ZNF469: variants seen among roughly 807,000 people sequenced by gnomAD.
The protein encoded by ZNF469 is zinc finger protein 469.
ZNF469 carries 1 observed loss-of-function variant against 1.0 expected under a neutral mutation model. The observed-to-expected ratio is 1.00, with a 90% CI of 0.35 to 4.73. ZNF469 has a LOEUF of 4.73. Among genes scored for constraint, ZNF469 ranks in the 30% most tolerant of loss-of-function variants. The pLI is 0.16. For missense variants in ZNF469, 6,100 were observed against 5,356.3 expected (o/e 1.14, Z -4.33); for synonymous variants, 2,703 against 2,363.4 (o/e 1.14, Z -4.17).
chr16:88,368,947 C>T, the ZNF469 span, among the ~76,000 whole-genome samples: 6 of 152,108 alleles, frequency 3.9e-5, no homozygotes, highest in African/African-American at 1.2e-4. Context: ...TGTGTGCTGG[C>T]GGTCACCTGT....
chr16:88,296,032 C>T, the ZNF469 span, among the ~76,000 whole-genome samples: 7 of 152,214 alleles, frequency 4.6e-5, no homozygotes, highest in African/African-American at 9.6e-5. Context: ...CTCGGGCTCT[C>T]GGCTCTGCAG....
rs1377375919 is a variant in ZNF469 at position 88,430,625 on chromosome 16, T to C, written c.3155T>C (p.Leu1052Pro). The C allele has an allele frequency of 6.7e-7, 1 of 1,499,732 alleles. No individual in the cohort carries two copies. Among genetic ancestry groups the C allele is most frequent in the East Asian group, 2.7e-5 (1 of 36,992 alleles). 92.9% of individuals were successfully genotyped at this position (1,499,732 alleles called of 1,614,324 possible). A position where few individuals can be genotyped will look rare whatever the true frequency, so the allele number is the denominator to read the frequency against. ...GGCGCCTGGGGCAAGGAGCTCATTC[T>C]GAAGATCGTGCAGCAGAAGAACAGG... ...RGGAWGKELILKIVQQKNRRH... is the reference protein window; with the variant it reads ...RGGAWGKELIPKIVQQKNRRH... The change falls in exon 3 of 3, where the codon CTG becomes CCG. Residue 1052 changes from leucine to proline, a missense_variant. Physicochemically the swap from Leu to Pro is moderately conservative, Grantham distance 98. Coordinates refer to ENST00000565624, the MANE Select transcript of ZNF469 (RefSeq NM_001367624.2).
chr16:88,430,549 C>G lies in ZNF469; in HGVS notation c.3079C>G (p.Arg1027Gly), dbSNP rs1057524853. 1.4e-6 allele frequency: 2 copies of G among 1,470,142 alleles called. No homozygotes were observed. The highest frequency in any genetic ancestry group is 4.8e-5 in the Admixed American group (2 of 41,610). The allele number at this position is 1,470,142 out of a possible 1,614,324, so 91.1% of individuals were successfully genotyped here. A position where few individuals can be genotyped will look rare whatever the true frequency, so the allele number is the denominator to read the frequency against. ...CCCCGAGGAGACCCGCAGCTCCCGG[C>G]GCCGCCGGCTGCCCCCCAGGAAGGA... ...ALPEETRSSRRRRLPPRKDPR... is the reference protein window; with the variant it reads ...ALPEETRSSRGRRLPPRKDPR... The change falls in exon 3 of 3, where the codon CGC (arginine) becomes GGC (glycine). Residue 1027 changes from arginine (R) to glycine (G), a missense_variant. By Grantham distance (125) the Arg-to-Gly change is moderately radical (BLOSUM62 -2). Coordinates refer to ENST00000565624, the MANE Select transcript of ZNF469 (RefSeq NM_001367624.2).
Position 88,430,502 on chromosome 16 carries a change from G to C in ZNF469, c.3032G>C (p.Arg1011Pro), listed in dbSNP as rs1427915778. The change falls in exon 3 of 3, where the codon CGG (arginine) becomes CCG (proline). Residue 1011 changes from arginine to proline, a missense_variant. Coordinates refer to ENST00000565624, the MANE Select transcript of ZNF469 (RefSeq NM_001367624.2). ...GGGAGCCGCGCAGACCCCGCGCCCCGGGTCCCGAGAGCCGCCGCCCTCCCC... is the reference window on the plus strand; with the variant it reads ...GGGAGCCGCGCAGACCCCGCGCCCCCGGTCCCGAGAGCCGCCGCCCTCCCC... ...APGSRADPAPRVPRAAALPEE... is the reference protein window; with the variant it reads ...APGSRADPAPPVPRAAALPEE... 2 of 1,419,688 alleles carry C rather than the reference G, an allele frequency of 1.4e-6. No individual in the cohort carries two copies. Among genetic ancestry groups the C allele is most frequent in the Non-Finnish European group, 1.8e-6 (2 of 1,097,298 alleles). 87.9% of individuals were successfully genotyped at this position (1,419,688 alleles called of 1,614,324 possible).
the ZNF469 span, among the ~76,000 whole-genome samples, chr16:88,329,262 C>G: frequency 6.6e-6 from 1 of 152,204 alleles, no homozygotes; most frequent in African/African-American, 2.4e-5. Context: ...AGTGTGTTTG[C>G]TGCTTCTTCA....
At chr16:88,282,631 G>C in the ZNF469 span, among the ~76,000 whole-genome samples, 1 of 152,212 alleles carries the variant, frequency 6.6e-6, no homozygotes, top group Non-Finnish European at 1.5e-5. Flanking sequence ...AGAGACGTCG[G>C]ATTGCAGACA....
chr16:88,340,547 G>C, the ZNF469 span, among the ~76,000 whole-genome samples: 1 of 152,234 alleles, frequency 6.6e-6, no homozygotes, highest in Non-Finnish European at 1.5e-5. Context: ...AGCTTTGATA[G>C]GACTGGGGAG....
chr16:88,195,108 C>G, the ZNF469 span: 1 of 152,222 alleles, frequency 6.6e-6, no homozygotes, highest in Admixed American at 6.5e-5. Flanking sequence ...TGATGGGCTT[C>G]AAGGCGCGGC....
the ZNF469 span, among the ~76,000 whole-genome samples, chr16:88,223,629 G>C: frequency 2.0e-5 from 3 of 152,200 alleles, no homozygotes; most frequent in Non-Finnish European, 2.9e-5. Context: ...CCTCGACCCT[G>C]GTGCCTGAAG....
the ZNF469 span, among the ~76,000 whole-genome samples, chr16:88,303,023 C>T: frequency 2.0e-5 from 3 of 152,200 alleles, no homozygotes; most frequent in Non-Finnish European, 4.4e-5. Flanking sequence ...CAGTGTGGAG[C>T]ATTTGCCTTT....
chr16:88,289,184 T>G, the ZNF469 span, among the ~76,000 whole-genome samples: 1 of 136,114 alleles, frequency 7.3e-6, no homozygotes, highest in Non-Finnish European at 1.5e-5. Flanking sequence ...AGGGTGTTGA[T>G]GATGATTAGG....
At chr16:88,210,513 A>C in the ZNF469 span, among the ~76,000 whole-genome samples, 3 of 152,204 alleles carry the variant, frequency 2.0e-5, no homozygotes, top group African/African-American at 7.2e-5. Context: ...GCTGAAGTTT[A>C]AAAAGCTTTT....
chr16:88,401,312 A>C (rs1257626844), intron 1 of ZNF469, among the ~76,000 whole-genome samples: 1 of 152,178 alleles, frequency 6.6e-6, no homozygotes, highest in Admixed American at 6.5e-5. Context: ...GCAGTGGGGG[A>C]CAGTACGGCA....
At chr16:88,246,975 A>ATGAGTGAATGAATGAATGAG in the ZNF469 span, among the ~76,000 whole-genome samples, 10 of 151,178 alleles carry the variant, frequency 6.6e-5, no homozygotes, top group South Asian at 2.1e-3. Context: ...AAGTGAGTGA[A>ATGAGTGAATGAATGAATGAG]TGAGTGAATG....
chr16:88,229,579 T>G, the ZNF469 span, among the ~76,000 whole-genome samples: 3 of 59,816 alleles, frequency 5.0e-5, no homozygotes, highest in African/African-American at 1.0e-4. Context: ...GCTTGTGCGC[T>G]GATGTCACGC....
the ZNF469 span, among the ~76,000 whole-genome samples, chr16:88,236,349 G>T: frequency 6.6e-6 from 1 of 152,266 alleles, no homozygotes; most frequent in African/African-American, 2.4e-5. Flanking sequence ...GACTCGGGTT[G>T]GAATTTGGTG....
At chr16:88,203,388 C>G in the ZNF469 span, among the ~76,000 whole-genome samples, 7 of 152,172 alleles carry the variant, frequency 4.6e-5, no homozygotes, top group Non-Finnish European at 8.8e-5. Flanking sequence ...GGGGTTGTCA[C>G]CTGAGGGCGG....
At chr16:88,427,132 C>A (rs1366449562) in intron 2 of ZNF469, among the ~76,000 whole-genome samples, 1 of 152,162 alleles carries the variant, frequency 6.6e-6, no homozygotes, top group Non-Finnish European at 1.5e-5. Flanking sequence ...GGGAAGGGTC[C>A]CTGTTCCATC....
At chr16:88,281,772 G>A in the ZNF469 span, among the ~76,000 whole-genome samples, 52 of 151,102 alleles carry the variant, frequency 3.4e-4, 2 homozygotes, top group South Asian at 6.7e-3. Context: ...GGTTAGTACT[G>A]TGCCACACCG....
Sources: allele counts gnomAD v4.1 joint callset (sites outside exome capture counted in the v4.1 genomes callset), GRCh38; gene constraint gnomAD v4.1.1; transcripts MANE v1.5; gene names NCBI Gene and HGNC (gene_info 2026-07-23, HGNC 2026-07-21).